Variants in KCNIP1 observed in about 807,000 individuals in gnomAD.
KCNIP1 encodes the protein A-type potassium channel modulatory protein KCNIP1.
KCNIP1 carries 18 observed loss-of-function variants against 33.0 expected under a neutral mutation model. That is an observed-to-expected ratio of 0.55 (90% confidence interval 0.38 to 0.81). The LOEUF (loss-of-function observed/expected upper bound fraction) is 0.81, where lower values mean the gene tolerates loss of function less well. Ranked by LOEUF, KCNIP1 falls within the 30% of genes least tolerant of loss-of-function variation. KCNIP1 has a pLI of 0.00. For synonymous variants in KCNIP1, 93 were observed against 98.3 expected (o/e 0.95, Z 0.32); for missense variants, 238 against 271.6 (o/e 0.88, Z 0.87).
At chr5:170,481,396 G>A (rs1581231146) in intron 1 of KCNIP1, among the ~76,000 whole-genome samples, 1 of 98,770 alleles carries the variant, frequency 1.0e-5, no homozygotes, top group African/African-American at 4.1e-5. Context: ...TACTACTCCT[G>A]CTGCTGCTGC....
At chr5:170,492,964 G>A (rs910428995) in intron 1 of KCNIP1, among the ~76,000 whole-genome samples, 1 of 152,070 alleles carries the variant, frequency 6.6e-6, no homozygotes, top group South Asian at 2.1e-4. Flanking sequence ...TGGCCAGGAT[G>A]GTATTGATTC....
At chr5:170,384,817 T>C (rs1033132919) in intron 1 of KCNIP1, among the ~76,000 whole-genome samples, 2 of 152,228 alleles carry the variant, frequency 1.3e-5, no homozygotes, top group Non-Finnish European at 2.9e-5. Flanking sequence ...GGGAAGCAGA[T>C]GCTGGCTCAA....
chr5:170,404,744 G>A (rs1561609060), intron 1 of KCNIP1, among the ~76,000 whole-genome samples: 2 of 152,168 alleles, frequency 1.3e-5, no homozygotes, highest in Non-Finnish European at 2.9e-5. Flanking sequence ...CAGACTCAGT[G>A]GGGTAAAGAA....
rs186044333 is a variant in KCNIP1, at chr5:170,368,297, A to G, written c.88+14333A>G. Among the ~76,000 whole-genome samples, 1,265 of 152,156 alleles carry G rather than the reference A, an allele frequency of 8.3e-3. 10 individuals are homozygous for G. Among genetic ancestry groups the G allele is most frequent in the Non-Finnish European group, 0.013 (881 of 68,016 alleles). On this transcript the variant is annotated intron_variant, in intron 1 of 7. Coordinates refer to the KCNIP1 transcript ENST00000377360. Reference sequence around the variant, plus strand: ...GTTTGTTTTATTGAGACAGAGTCTCACTCTGTCACCAGGCTGGAGTGCAGT... The same window carrying G: ...GTTTGTTTTATTGAGACAGAGTCTCGCTCTGTCACCAGGCTGGAGTGCAGT...
chr5:170,715,914 G>A (rs143787163), intron 1 of KCNIP1, among the ~76,000 whole-genome samples: 38 of 152,276 alleles, frequency 2.5e-4, no homozygotes, highest in African/African-American at 7.2e-4. Context: ...ACGGGTTCAC[G>A]CTCTTCTCTC....
chr5:170,515,441 G>A (rs1334793904), intron 1 of KCNIP1, among the ~76,000 whole-genome samples: 2 of 151,616 alleles, frequency 1.3e-5, no homozygotes, highest in Admixed American at 6.5e-5. Context: ...GCCTTCCCCT[G>A]AAGAAGAAGC....
At position 170,390,649 on chromosome 5, in the gene KCNIP1, A is replaced by C. The variant is rs1264160621; in HGVS notation, c.88+36685A>C. Among the ~76,000 whole-genome samples, 7 of 151,668 alleles carry C rather than the reference A, an allele frequency of 4.6e-5. No homozygotes were observed. In the South Asian group the frequency reaches 1.5e-3, roughly 32 times the overall value. ...CCTTCACTTGACCCAAGAATCAAAG[A>C]ACCTGAAACTGAGACTTGGAGGCTT... On this transcript the variant is annotated intron_variant, in intron 1 of 7. Transcript: ENST00000377360.
intron 1 of KCNIP1, among the ~76,000 whole-genome samples, chr5:170,617,628 G>A (rs78630278): frequency 0.016 from 2,410 of 152,288 alleles, 67 homozygotes; most frequent in African/African-American, 0.054. Flanking sequence ...GGGGCCTCCA[G>A]GGTCCTAAAA....
intron 1 of KCNIP1, among the ~76,000 whole-genome samples, chr5:170,397,722 C>T (rs1046750023): frequency 6.6e-6 from 1 of 152,078 alleles, no homozygotes; most frequent in Non-Finnish European, 1.5e-5. Context: ...TATTCTAAGC[C>T]AAATATGAGT....
chr5:170,494,655 G>T (rs1173309462), intron 1 of KCNIP1, among the ~76,000 whole-genome samples: 1 of 152,156 alleles, frequency 6.6e-6, no homozygotes, highest in East Asian at 1.9e-4. Flanking sequence ...CAAGACCAAA[G>T]CTCTTCACAG....
intron 1 of KCNIP1, among the ~76,000 whole-genome samples, chr5:170,407,900 G>C (rs543825213): frequency 6.6e-6 from 1 of 152,184 alleles, no homozygotes; most frequent in Non-Finnish European, 1.5e-5. Flanking sequence ...AAACTATGGT[G>C]GCATCTTAGC....
intron 1 of KCNIP1, among the ~76,000 whole-genome samples, chr5:170,624,409 C>T (rs934083403): frequency 6.6e-6 from 1 of 152,028 alleles, no homozygotes; most frequent in Admixed American, 6.6e-5. Context: ...GATTGACTGA[C>T]GAAGGGGTAC....
At position 170,356,515 on chromosome 5, in the gene KCNIP1, C is replaced by T. The variant is rs75242525; in HGVS notation, c.88+2551C>T. ...AGCTAGCCCAGATTTCTCATCAGCG[C>T]TTATTGCAGAGATAAACTGCTCATG... On this transcript the variant is annotated intron_variant, in intron 1 of 7. Coordinates refer to the KCNIP1 transcript ENST00000377360. Among the ~76,000 whole-genome samples the T allele has an allele frequency of 6.5e-3, 983 of 152,320 alleles. 19 individuals carry two copies. The highest frequency in any genetic ancestry group is 0.023 in the African/African-American group (940 of 41,550).
chr5:170,495,320 C>T (rs1757289954), intron 1 of KCNIP1, among the ~76,000 whole-genome samples: 1 of 152,194 alleles, frequency 6.6e-6, no homozygotes, highest in Non-Finnish European at 1.5e-5. Flanking sequence ...GGAGGGTTTC[C>T]TGGACCGCAC....
intron 1 of KCNIP1, among the ~76,000 whole-genome samples, chr5:170,699,998 G>A (rs112786338): frequency 5.1e-4 from 77 of 152,256 alleles, no homozygotes; most frequent in African/African-American, 1.6e-3. Context: ...CCCTAAAACT[G>A]TTAACATGGG....
intron 1 of KCNIP1, among the ~76,000 whole-genome samples, chr5:170,432,018 CTGTG>C (rs979029443): frequency 6.6e-6 from 1 of 151,522 alleles, no homozygotes; most frequent in Non-Finnish European, 1.5e-5. Context: ...CTCTCTCTCT[CTGTG>C]TCTCTCTCTT....
At chr5:170,404,597 C>T (rs886121834) in intron 1 of KCNIP1, among the ~76,000 whole-genome samples, 6 of 152,196 alleles carry the variant, frequency 3.9e-5, no homozygotes, top group East Asian at 1.9e-4. Context: ...GCAGGCTAGA[C>T]GAGCCTGTTC....
At chr5:170,661,749 A>T (rs565351395) in intron 1 of KCNIP1, among the ~76,000 whole-genome samples, 1 of 152,312 alleles carries the variant, frequency 6.6e-6, no homozygotes, top group African/African-American at 2.4e-5. Flanking sequence ...CCACTCATGC[A>T]TTCATTCAGC....
chr5:170,512,960 G>A (rs1581258355), intron 1 of KCNIP1, among the ~76,000 whole-genome samples: 1 of 152,014 alleles, frequency 6.6e-6, no homozygotes, highest in South Asian at 2.1e-4. Flanking sequence ...TGAGGCAGGA[G>A]AATGGCGTGA....
Sources: allele counts gnomAD v4.1 joint callset (sites outside exome capture counted in the v4.1 genomes callset), GRCh38; gene constraint gnomAD v4.1.1; transcripts MANE v1.5; gene names NCBI Gene and HGNC (gene_info 2026-07-23, HGNC 2026-07-21).